MEGF11: variants seen among roughly 807,000 people sequenced by gnomAD.
The protein encoded by MEGF11 is multiple epidermal growth factor-like domains protein 11.
In MEGF11, 126 loss-of-function variants were observed where a neutral mutation model predicts 146.6. That is an observed-to-expected ratio of 0.86 (90% CI 0.74 to 1.00). The LOEUF (loss-of-function observed/expected upper bound fraction) is 1.00, where lower values mean the gene tolerates loss of function less well. MEGF11 is among the 50% of genes least tolerant of loss of function. MEGF11 has a pLI of 0.00. For synonymous variants in MEGF11, 532 were observed against 583.4 expected, an observed-to-expected ratio of 0.91 and a Z score of 1.27; for missense variants, 1,509 against 1,521.2, an observed-to-expected ratio of 0.99 and a Z score of 0.13.
At chr15:66,210,895 C>A (rs890070166) in intron 1 of MEGF11, among the ~76,000 whole-genome samples, 1 of 152,202 alleles carries the variant, frequency 6.6e-6, no homozygotes, top group Non-Finnish European at 1.5e-5. Flanking sequence ...CTTGAGCCCT[C>A]AGGACAAGGG....
At chr15:66,205,044 G>A (rs536185002) in intron 1 of MEGF11, among the ~76,000 whole-genome samples, 1 of 144,468 alleles carries the variant, frequency 6.9e-6, no homozygotes, top group East Asian at 2.0e-4. Flanking sequence ...TAGGAACCCA[G>A]AAATGCCAAT....
intron 1 of MEGF11, among the ~76,000 whole-genome samples, chr15:66,175,532 C>A (rs999771794): frequency 1.8e-4 from 28 of 152,150 alleles, no homozygotes; most frequent in South Asian, 6.2e-4. Context: ...TTGCAGCCAA[C>A]TGATTTTCAA....
chr15:66,008,772 C>T (rs2082607988), intron 5 of MEGF11, among the ~76,000 whole-genome samples: 1 of 150,562 alleles, frequency 6.6e-6, no homozygotes, highest in South Asian at 2.1e-4. Context: ...TGAAGTGAAC[C>T]ATGATTGTGC....
At chr15:66,246,652 A>C (rs1189785722) in intron 1 of MEGF11, among the ~76,000 whole-genome samples, 1 of 141,576 alleles carries the variant, frequency 7.1e-6, no homozygotes, top group African/African-American at 3.2e-5. Flanking sequence ...CAAAAAAAAA[A>C]ATAAAAATAA....
intron 4 of MEGF11, among the ~76,000 whole-genome samples, chr15:66,107,610 C>T (rs1237563696): frequency 6.6e-6 from 1 of 152,178 alleles, no homozygotes; most frequent in Non-Finnish European, 1.5e-5. Context: ...GACATGGGTA[C>T]AGATACCAGA....
chr15:66,093,530 ACT>A (rs1170827704), intron 5 of MEGF11, among the ~76,000 whole-genome samples: 1 of 152,072 alleles, frequency 6.6e-6, no homozygotes, highest in Non-Finnish European at 1.5e-5. Flanking sequence ...CCATAAAGAG[ACT>A]CTACTCCAAC....
intron 1 of MEGF11, among the ~76,000 whole-genome samples, chr15:66,188,810 C>T (rs547782479): frequency 2.0e-5 from 3 of 152,312 alleles, no homozygotes; most frequent in Non-Finnish European, 4.4e-5. Flanking sequence ...TGAGTGGACA[C>T]CCTTGCAGAA....
chr15:65,923,705 C>T (rs2079258628), intron 13 of MEGF11, among the ~76,000 whole-genome samples: 1 of 152,136 alleles, frequency 6.6e-6, no homozygotes, highest in Non-Finnish European at 1.5e-5. Context: ...GATTTAATGA[C>T]CCTCAGTTTG....
At chr15:65,933,567 GC>G (rs1255943520) in intron 10 of MEGF11, among the ~76,000 whole-genome samples, 1 of 152,224 alleles carries the variant, frequency 6.6e-6, no homozygotes, top group Admixed American at 6.5e-5. Context: ...AGAAGCCTAT[GC>G]CTGGTCTTTG....
intron 5 of MEGF11, among the ~76,000 whole-genome samples, chr15:66,044,036 G>A (rs1322080365): frequency 6.6e-6 from 1 of 152,162 alleles, no homozygotes; most frequent in African/African-American, 2.4e-5. Flanking sequence ...TGTAGTGGGT[G>A]GTGTATGGAG....
chr15:66,035,315 C>T (rs1205058346), intron 5 of MEGF11, among the ~76,000 whole-genome samples: 1 of 152,182 alleles, frequency 6.6e-6, no homozygotes, highest in Non-Finnish European at 1.5e-5. Context: ...CTGGTGCTGC[C>T]ACTCTAATGG....
At chr15:65,931,104 C>T (rs574967930) in intron 10 of MEGF11, among the ~76,000 whole-genome samples, 161 bp from the exon 11 acceptor site, 3 of 152,214 alleles carry the variant, frequency 2.0e-5, no homozygotes, top group East Asian at 1.9e-4. Context: ...TTTGCAGGTG[C>T]GATTACGGAC....
intron 1 of MEGF11, among the ~76,000 whole-genome samples, chr15:66,253,310 G>A (rs2092402675): frequency 6.6e-6 from 1 of 152,202 alleles, no homozygotes; most frequent in South Asian, 2.1e-4. Context: ...GAGGCGCCGC[G>A]GACGCTGCAT....
At chr15:66,227,990 GCTAGT>G (rs1467692837) in intron 1 of MEGF11, among the ~76,000 whole-genome samples, 1 of 152,182 alleles carries the variant, frequency 6.6e-6, no homozygotes, top group Admixed American at 6.5e-5. Context: ...AAGCCCAAGA[GCTAGT>G]CCAGGTTCCT....
chr15:66,253,201 C>A (rs947396910), intron 1 of MEGF11, among the ~76,000 whole-genome samples: 2 of 152,164 alleles, frequency 1.3e-5, no homozygotes, highest in Non-Finnish European at 2.9e-5. Context: ...GCACCCGGGG[C>A]GGCTTGAGAG....
chr15:66,024,276 A>G (rs532553857), intron 5 of MEGF11, among the ~76,000 whole-genome samples: 1 of 152,372 alleles, frequency 6.6e-6, no homozygotes, highest in South Asian at 2.1e-4. Context: ...GGGCAGCGCC[A>G]CCAGCTCCAG....
At chr15:66,184,069 G>C (rs1221126113) in intron 1 of MEGF11, among the ~76,000 whole-genome samples, 1 of 152,126 alleles carries the variant, frequency 6.6e-6, no homozygotes, top group Admixed American at 6.5e-5. Context: ...TGGGTGCCTG[G>C]ACATCAGGCT....
chr15:65,959,834 T>TATG (rs2080795961), intron 9 of MEGF11, among the ~76,000 whole-genome samples: 1 of 152,246 alleles, frequency 6.6e-6, no homozygotes, highest in Non-Finnish European at 1.5e-5. Flanking sequence ...ATTTAGAGGT[T>TATG]ATGTGACTTG....
At chr15:65,980,946 T>C (rs768934181) in intron 6 of MEGF11, 48 bp from the exon 7 acceptor site, 29 of 1,503,108 alleles carry the variant, frequency 1.9e-5, no homozygotes, top group Non-Finnish European at 2.4e-5. Context: ...TCAGATCAGG[T>C]GGCAGGGCCC....
Sources: gnomAD v4.1 joint callset for allele counts (sites outside exome capture counted in the v4.1 genomes callset) on GRCh38, gnomAD v4.1.1 for gene constraint, MANE v1.5 for transcripts, NCBI Gene and HGNC (gene_info 2026-07-23, HGNC 2026-07-21) for gene names.